Variants in FOXRED2 observed in about 807,000 individuals in gnomAD.
FOXRED2 encodes the protein FAD-dependent oxidoreductase domain-containing protein 2.
FOXRED2 carries 32 observed loss-of-function variants against 52.5 expected under a neutral mutation model. That is an observed-to-expected ratio of 0.61 (90% CI 0.46 to 0.82). The LOEUF (loss-of-function observed/expected upper bound fraction) is 0.82, where lower values mean the gene tolerates loss of function less well. Among genes scored for constraint, FOXRED2 ranks in the 40% least tolerant of loss-of-function variants. The pLI, the probability that FOXRED2 is intolerant of heterozygous loss-of-function variation, is 0.00. For missense variants in FOXRED2, 848 were observed against 937.5 expected, an observed-to-expected ratio of 0.90 and a Z score of 1.25; for synonymous variants, 405 against 398.1, an observed-to-expected ratio of 1.02 and a Z score of -0.21.
At position 36,490,348 on chromosome 22, in the gene FOXRED2, G is replaced by A. The variant is rs147440857; in HGVS notation, c.1796-81C>T. ...GCAGAAAGGGGAGCTGCCAATGCCA[G>A]GTGTGGGGGCTTCACTGCAGGCCTT... On this transcript the variant is annotated intron_variant, in intron 8 of 8. Coordinates refer to ENST00000397224, the MANE Select transcript of FOXRED2 (RefSeq NM_001102371.2). 4 of 1,453,486 alleles carry A rather than the reference G, an allele frequency of 2.8e-6. No individual in the cohort carries two copies. The African/African-American group carries it at 4.2e-5, about 15-fold the overall frequency. 90.0% of individuals were successfully genotyped at this position (1,453,486 alleles called of 1,614,324 possible). A position where few individuals can be genotyped will look rare whatever the true frequency, so the allele number is the denominator to read the frequency against.
At position 36,496,031 on chromosome 22, in the gene FOXRED2, T is replaced by C. The variant is rs760412833; in HGVS notation, c.1560A>G (p.Thr520=). 7 of 1,614,126 alleles carry C rather than the reference T, an allele frequency of 4.3e-6. No individual in the cohort carries two copies. The African/African-American group carries it at 9.3e-5, about 22-fold the overall frequency. The change falls in exon 7 of 9, where the codon ACA becomes ACG. Residue 520 remains threonine, a synonymous_variant. Coordinates refer to ENST00000397224, the MANE Select transcript of FOXRED2 (RefSeq NM_001102371.2). ...GAAAGTTAGACTGCCAGGCATCTTC[T>C]GTGTGCCCCACAGACCGGTCATCAA... is the stretch of plus-strand genomic sequence containing the variant. ...VFFDDRSVGH[T]EDAWQSNFLH...
In FOXRED2 at chr22:36,498,261, CT is replaced by C. The variant is rs2145849298; in HGVS notation, c.1217-106del. On this transcript the variant is annotated intron_variant, in intron 5 of 8. Transcript: ENST00000397224. Reference sequence around the variant, plus strand: ...TTGACCCCTGAGAACGCCATACACACTGGTCTCCATGGCCCAGCGCAAACGC... The same window carrying C: ...TTGACCCCTGAGAACGCCATACACACGGTCTCCATGGCCCAGCGCAAACGC... 3 of 1,365,488 alleles carry C rather than the reference CT, an allele frequency of 2.2e-6. No individual in the cohort carries two copies. In the East Asian group the frequency reaches 7.1e-5, roughly 32 times the overall value. 84.6% of individuals were successfully genotyped at this position (1,365,488 alleles called of 1,614,324 possible).
intron 5 of FOXRED2, among the ~76,000 whole-genome samples, chr22:36,499,486 T>C (rs190694171): frequency 2.5e-4 from 38 of 151,992 alleles, no homozygotes; most frequent in African/African-American, 9.2e-4. Context: ...ATTAGCTGGG[T>C]GTGGTGGTGC....
intron 5 of FOXRED2, among the ~76,000 whole-genome samples, chr22:36,499,063 T>C (rs1933977847): frequency 6.6e-6 from 1 of 152,004 alleles, no homozygotes; most frequent in Admixed American, 6.6e-5. Context: ...GCCTCCCAAG[T>C]AGTAGGGATT....
intron 4 of FOXRED2, among the ~76,000 whole-genome samples, chr22:36,503,378 C>T (rs535115457): frequency 6.8e-6 from 1 of 146,920 alleles, no homozygotes; most frequent in South Asian, 2.2e-4. Context: ...GGTGTGATCT[C>T]GGCTCACTGC....
chr22:36,503,600 C>T (rs937311529), intron 4 of FOXRED2, among the ~76,000 whole-genome samples: 1 of 152,040 alleles, frequency 6.6e-6, no homozygotes, highest in Non-Finnish European at 1.5e-5. Context: ...TGTGAGCCAC[C>T]GCACCCAGCC....
rs758810388 is a variant in FOXRED2 at position 36,493,768 on chromosome 22, G to A, written c.1660C>T (p.Leu554=). ...TGATGGATGGCCGTGGGCCGAGGCA[G>A]GGGCCAGTGTGCAGGGCGGAACCTC... ...EVRFRPAHWP[L]PRPTAIHHIV... The change falls in exon 8 of 9, where the codon CTG becomes TTG. Residue 554 remains leucine (L), a synonymous_variant. Coordinates refer to ENST00000397224, the MANE Select transcript of FOXRED2 (RefSeq NM_001102371.2). 24 of 1,614,140 alleles carry A rather than the reference G, an allele frequency of 1.5e-5. No individual in the cohort carries two copies. In the Admixed American group the frequency reaches 3.8e-4, roughly 26 times the overall value.
Position 36,488,100 on chromosome 22 carries a change from A to G in FOXRED2, c.*1908T>C, listed in dbSNP as rs1457012152. 4 of 152,078 alleles carry G rather than the reference A, an allele frequency of 2.6e-5. No homozygotes were observed. The highest frequency in any genetic ancestry group is 7.2e-5 in the African/African-American group (3 of 41,516). 9.4% of individuals were successfully genotyped at this position (152,078 alleles called of 1,614,324 possible). ...AGAGCGAAATCCATTGCAAAAAAAA[A>G]AAAAAAGAAAAAGAAAAAGTCTGGA... is the stretch of plus-strand genomic sequence containing the variant. On this transcript the variant is annotated 3_prime_UTR_variant, in exon 9 of 9. Coordinates refer to ENST00000397224, the MANE Select transcript of FOXRED2 (RefSeq NM_001102371.2).
intron 8 of FOXRED2, among the ~76,000 whole-genome samples, chr22:36,493,321 C>T (rs544236953): frequency 1.3e-3 from 204 of 152,238 alleles, no homozygotes; most frequent in Non-Finnish European, 1.4e-3. Flanking sequence ...TGCCTGTAGT[C>T]CCAGCTTCTT....
rs562837902 is a variant in FOXRED2 at position 36,489,827 on chromosome 22, G to A, written c.*181C>T. ...CCCTGACAGGAGGGAGGAGACCACC[G>A]CATCCCCGACTTTCAGCCCTCACGT... On this transcript the variant is annotated 3_prime_UTR_variant, in exon 9 of 9. Coordinates refer to ENST00000397224, the MANE Select transcript of FOXRED2 (RefSeq NM_001102371.2). 5 of 560,490 alleles carry A rather than the reference G, an allele frequency of 8.9e-6. No homozygotes were observed. The East Asian group carries it at 9.7e-5, about 11-fold the overall frequency. The allele number at this position is 560,490 out of a possible 1,614,324, so 34.7% of individuals were successfully genotyped here. A position where few individuals can be genotyped will look rare whatever the true frequency, so the allele number is the denominator to read the frequency against.
rs946290677 is a variant in FOXRED2, at chr22:36,487,770, G to C, written c.*2238C>G. On this transcript the variant is annotated 3_prime_UTR_variant, in exon 9 of 9. Coordinates refer to ENST00000397224, the MANE Select transcript of FOXRED2 (RefSeq NM_001102371.2). ...ACTCTGGGAAGGACTAGAGGGAACT[G>C]TGTCTGCAGTGGGGCCAGGTAGTTA... is the stretch of plus-strand genomic sequence containing the variant. The C allele has an allele frequency of 2.6e-5, 4 of 152,258 alleles. No individual in the cohort carries two copies. Among genetic ancestry groups the C allele is most frequent in the African/African-American group, 9.6e-5 (4 of 41,456 alleles). 9.4% of individuals were successfully genotyped at this position (152,258 alleles called of 1,614,324 possible).
intron 5 of FOXRED2, among the ~76,000 whole-genome samples, chr22:36,499,332 C>T (rs1053580398): frequency 1.3e-5 from 2 of 152,280 alleles, no homozygotes; most frequent in South Asian, 2.1e-4. Context: ...TTTTGATGCT[C>T]AGGCTAGGCA....
chr22:36,506,235 G>T lies in FOXRED2; in HGVS notation c.188C>A (p.Pro63Gln), dbSNP rs918503466. ...GCGTGTGAAGAAGCTGCCGGGCCGC[G>T]GGGCCCGCTCGAACACTGCGTAGTC... ...GRDYAVFERA[P>Q]RPGSFFTRYP... The change falls in exon 2 of 9, where the codon CCG becomes CAG. Residue 63 changes from proline to glutamine, a missense_variant. Physicochemically the swap from Pro to Gln is moderately conservative, Grantham distance 76. Transcript: ENST00000397224. 6.2e-7 allele frequency: 1 copy of T among 1,613,628 alleles called. No individual in the cohort carries two copies. Among genetic ancestry groups the T allele is most frequent in the East Asian group, 2.2e-5 (1 of 44,878 alleles).
At chr22:36,491,735 G>A (rs1603492273) in intron 8 of FOXRED2, among the ~76,000 whole-genome samples, 1 of 152,178 alleles carries the variant, frequency 6.6e-6, no homozygotes, top group Non-Finnish European at 1.5e-5. Context: ...ACAGCCTGCA[G>A]AACTGTGAGC....
rs747913026 is a variant in FOXRED2, at chr22:36,504,137, C to A, written c.1010G>T (p.Arg337Leu). The A allele has an allele frequency of 1.2e-6, 2 of 1,614,188 alleles. No individual in the cohort carries two copies. The highest frequency in any genetic ancestry group is 1.7e-6 in the Non-Finnish European group (2 of 1,180,022). ...AMRVPYDRVIRCLGWNFDFSI... is the reference protein window; with the variant it reads ...AMRVPYDRVILCLGWNFDFSI... ...GAAGTCAAAGTTCCAGCCCAGGCAG[C>A]GGATTACCCGGTCATAGGGCACGCG... is the stretch of plus-strand genomic sequence containing the variant. The change falls in exon 4 of 9, where the codon CGC (arginine) becomes CTC (leucine). Residue 337 changes from arginine (R) to leucine (L), a missense_variant. Physicochemically the swap from Arg to Leu is moderately radical, Grantham distance 102 (BLOSUM62 -2). Transcript: ENST00000397224.
At chr22:36,502,012 A>G (rs1269522119) in intron 4 of FOXRED2, among the ~76,000 whole-genome samples, 1 of 152,024 alleles carries the variant, frequency 6.6e-6, no homozygotes, top group African/African-American at 2.4e-5. Context: ...AAAAAATACA[A>G]AAAGAGTTAG....
At chr22:36,495,183 A>G (rs1488739662) in intron 7 of FOXRED2, among the ~76,000 whole-genome samples, 2 of 149,570 alleles carry the variant, frequency 1.3e-5, no homozygotes, top group Admixed American at 6.6e-5. Flanking sequence ...CTGGTCTTGA[A>G]CTCCTGACCT....
chr22:36,495,263 A>C (rs1933866765), intron 7 of FOXRED2, among the ~76,000 whole-genome samples: 1 of 151,992 alleles, frequency 6.6e-6, no homozygotes, highest in South Asian at 2.1e-4. Context: ...CCAGCCTCTT[A>C]GTGCCTCCTT....
rs1325024193 is a variant in FOXRED2 at position 36,493,724 on chromosome 22, T to G, written c.1704A>C (p.Leu568Phe). Reference protein sequence around the residue: ...TAIHHIVEDFLTDWTAPIGHI... With the variant: ...TAIHHIVEDFFTDWTAPIGHI... Reference sequence around the variant, plus strand: ...GCCCGATCGGGGCAGTCCAGTCTGTTAAGAAGTCTTCCACGATGTGATGGA... The same window carrying G: ...GCCCGATCGGGGCAGTCCAGTCTGTGAAGAAGTCTTCCACGATGTGATGGA... The change falls in exon 8 of 9, where the codon TTA becomes TTC. Residue 568 changes from leucine to phenylalanine, a missense_variant. Transcript: ENST00000397224. 4 of 1,614,172 alleles carry G rather than the reference T, an allele frequency of 2.5e-6. No individual in the cohort carries two copies. The highest frequency in any genetic ancestry group is 3.4e-6 in the Non-Finnish European group (4 of 1,179,992).
Sources: gnomAD v4.1 joint callset for allele counts (sites outside exome capture counted in the v4.1 genomes callset) on GRCh38, gnomAD v4.1.1 for gene constraint, MANE v1.5 for transcripts, NCBI Gene and HGNC (gene_info 2026-07-23, HGNC 2026-07-21) for gene names.